RANBP2: variants seen among roughly 807,000 people sequenced by gnomAD.
RANBP2 encodes the protein RAN binding protein 2, also known as E3 SUMO-protein ligase RanBP2.
RANBP2 carries 57 observed loss-of-function variants against 303.6 expected under a neutral mutation model. That is an observed-to-expected ratio of 0.19 (90% CI 0.15 to 0.23). The LOEUF is 0.23. Among genes scored for constraint, RANBP2 ranks in the 10% least tolerant of loss-of-function variants. RANBP2 has a pLI of 1.00. For synonymous variants in RANBP2, 1,167 were observed against 1,301.5 expected, an observed-to-expected ratio of 0.90 and a Z score of 2.23; for missense variants, 3,138 against 3,780.8, an observed-to-expected ratio of 0.83 and a Z score of 4.46.
At chr2:109,716,208 TA>T in the RANBP2 span, among the ~76,000 whole-genome samples, 1 of 152,078 alleles carries the variant, frequency 6.6e-6, no homozygotes, top group Non-Finnish European at 1.5e-5. Context: ...ATTAGCACTT[TA>T]TTTTTTTTAA....
At chr2:109,254,756 A>C in the RANBP2 span, among the ~76,000 whole-genome samples, 71 of 152,156 alleles carry the variant, frequency 4.7e-4, 1 homozygote, top group African/African-American at 1.6e-3. Context: ...CCGGGACTTT[A>C]GTGGCTCGGG....
At chr2:108,832,698 GC>G in the RANBP2 span, among the ~76,000 whole-genome samples, 19 of 152,328 alleles carry the variant, frequency 1.2e-4, no homozygotes, top group African/African-American at 4.3e-4. Context: ...ATATGGAAAA[GC>G]CTTGTAGAAG....
At chr2:109,334,825 T>C in the RANBP2 span, among the ~76,000 whole-genome samples, 1 of 152,224 alleles carries the variant, frequency 6.6e-6, no homozygotes, top group East Asian at 1.9e-4. Flanking sequence ...TATGTGCCAC[T>C]TGCTCCCCTC....
rs1238632184 is a variant in RANBP2 at position 108,753,528 on chromosome 2, A to T, written c.2020A>T (p.Ile674Leu). Residue 674 changes from isoleucine to leucine, a missense_variant, in exon 14 of 29, where the codon ATA (isoleucine) becomes TTA (leucine). Physicochemically the swap from Ile to Leu is conservative, Grantham distance 5. Coordinates refer to ENST00000283195, the MANE Select transcript of RANBP2 (RefSeq NM_006267.5). ...IEDAVTAFES[I>L]KSVVSYWNLA... is the part of the protein sequence containing the mutation. ...AGATGCTGTGACTGCTTTTGAATCT[A>T]TAAAAAGTGTTGTTTCTTATTGGAA... 26 of 1,611,750 alleles carry T rather than the reference A, an allele frequency of 1.6e-5. No homozygotes were observed. The highest frequency in any genetic ancestry group is 2.2e-5 in the Non-Finnish European group (26 of 1,179,826).
At chr2:109,362,424 G>A in the RANBP2 span, among the ~76,000 whole-genome samples, 3 of 152,144 alleles carry the variant, frequency 2.0e-5, no homozygotes, top group Non-Finnish European at 4.4e-5. Context: ...TGGCCTGAGA[G>A]TAGACATTGT....
chr2:109,575,944 T>C, the RANBP2 span, among the ~76,000 whole-genome samples: 2 of 152,168 alleles, frequency 1.3e-5, no homozygotes, highest in Non-Finnish European at 2.9e-5. Flanking sequence ...CAGTATCTTA[T>C]ACATCTGTAT....
At chr2:108,752,935 A>G (rs1157644216) in intron 12 of RANBP2, 63 bp from the exon 13 acceptor site, 63 of 1,607,490 alleles carry the variant, frequency 3.9e-5, no homozygotes, top group Non-Finnish European at 4.8e-5. Flanking sequence ...CAACTTGTAA[A>G]TGAACTTTAG....
the RANBP2 span, among the ~76,000 whole-genome samples, chr2:109,241,419 G>GA: frequency 2.0e-5 from 3 of 152,096 alleles, no homozygotes; most frequent in Non-Finnish European, 2.9e-5. Context: ...TGCATTGGGG[G>GA]AAAAAATGGC....
At chr2:109,157,903 G>A in the RANBP2 span, among the ~76,000 whole-genome samples, 4 of 152,124 alleles carry the variant, frequency 2.6e-5, no homozygotes, top group Non-Finnish European at 4.4e-5. Context: ...TTTCTCTGTG[G>A]CAGCTGCTCG....
the RANBP2 span, among the ~76,000 whole-genome samples, chr2:109,326,659 CTGTT>C: frequency 1.3e-4 from 20 of 152,294 alleles, 1 homozygote; most frequent in South Asian, 4.1e-3. Flanking sequence ...TCTACAATGC[CTGTT>C]TAAGTTAACT....
chr2:109,446,006 A>C, the RANBP2 span, among the ~76,000 whole-genome samples: 1 of 152,192 alleles, frequency 6.6e-6, no homozygotes, highest in Non-Finnish European at 1.5e-5. Context: ...AGCAGGGACC[A>C]TGGGTGGTGC....
chr2:109,291,380 C>T, the RANBP2 span, among the ~76,000 whole-genome samples: 1 of 151,198 alleles, frequency 6.6e-6, no homozygotes, highest in Non-Finnish European at 1.5e-5. Flanking sequence ...CCAGGCCCAT[C>T]TGCCCAAACA....
chr2:109,360,416 T>G, the RANBP2 span, among the ~76,000 whole-genome samples: 4 of 152,208 alleles, frequency 2.6e-5, no homozygotes, highest in Non-Finnish European at 4.4e-5. Context: ...ACACAAACTT[T>G]GTTTCATGCA....
At chr2:109,289,345 T>C in the RANBP2 span, among the ~76,000 whole-genome samples, 1 of 152,076 alleles carries the variant, frequency 6.6e-6, no homozygotes, top group Admixed American at 6.5e-5. Context: ...ACAAAGGTCT[T>C]AGAAACAACC....
chr2:109,571,133 G>A, the RANBP2 span, among the ~76,000 whole-genome samples: 1 of 152,146 alleles, frequency 6.6e-6, no homozygotes, highest in Non-Finnish European at 1.5e-5. Context: ...AGACATGCCT[G>A]CTTCCCCTTC....
At chr2:109,322,622 C>CAAATGTCA in the RANBP2 span, among the ~76,000 whole-genome samples, 1 of 152,204 alleles carries the variant, frequency 6.6e-6, no homozygotes, top group Non-Finnish European at 1.5e-5. Flanking sequence ...AGTCGCCAGT[C>CAAATGTCA]AAATGTCAAA....
At chr2:108,774,730 C>T (rs1243355350) in intron 23 of RANBP2, among the ~76,000 whole-genome samples, 2 of 144,340 alleles carry the variant, frequency 1.4e-5, no homozygotes, top group Non-Finnish European at 3.0e-5. Context: ...GCTTTTGAGA[C>T]AGTCTCGCTC....
the RANBP2 span, among the ~76,000 whole-genome samples, chr2:109,097,132 C>T: frequency 3.3e-5 from 5 of 152,034 alleles, no homozygotes; most frequent in South Asian, 2.1e-4. Flanking sequence ...GGTGAAACCC[C>T]GTCTCTACTA....
At chr2:108,949,984 G>T in the RANBP2 span, among the ~76,000 whole-genome samples, 1 of 152,254 alleles carries the variant, frequency 6.6e-6, no homozygotes, top group Non-Finnish European at 1.5e-5. Context: ...GAACTGTGGA[G>T]ATTGGGTGCA....
Sources: gnomAD v4.1 joint callset for allele counts (sites outside exome capture counted in the v4.1 genomes callset) on GRCh38, gnomAD v4.1.1 for gene constraint, MANE v1.5 for transcripts, NCBI Gene and HGNC (gene_info 2026-07-23, HGNC 2026-07-21) for gene names.